Variants in NHSL1 observed in about 807,000 individuals in gnomAD.
NHSL1 encodes the protein NHS-like protein 1.
A neutral mutation model predicts 95.0 loss-of-function variants in NHSL1; 48 were observed. The observed-to-expected ratio is 0.51, with a 90% CI of 0.40 to 0.64. The LOEUF (loss-of-function observed/expected upper bound fraction) is 0.64, where lower values mean the gene tolerates loss of function less well. Among genes scored for constraint, NHSL1 ranks in the 30% least tolerant of loss-of-function variants. NHSL1 has a pLI of 0.00. For synonymous variants in NHSL1, 783 were observed against 833.9 expected (o/e 0.94, Z 1.05); for missense variants, 1,971 against 2,077.7 (o/e 0.95, Z 1.00).
At chr6:138,555,293 G>C (rs1002374171) in intron 1 of NHSL1, among the ~76,000 whole-genome samples, 2 of 152,056 alleles carry the variant, frequency 1.3e-5, no homozygotes, top group African/African-American at 4.8e-5. Context: ...GTAATGGCTG[G>C]GATTTCCTTT....
At chr6:138,499,182 T>A in intron 1 of NHSL1, 51 bp downstream of exon 1, 1 of 1,195,600 alleles carries the variant, frequency 8.4e-7, no homozygotes, top group Non-Finnish European at 1.2e-6. Flanking sequence ...CATATACACA[T>A]ATGGAAACAT....
At chr6:138,675,070 G>A (rs1785431444) in intron 1 of NHSL1, among the ~76,000 whole-genome samples, 1 of 150,318 alleles carries the variant, frequency 6.7e-6, no homozygotes, top group Non-Finnish European at 1.5e-5. Context: ...AATCCCCCAG[G>A]AAAAAATTAA....
At chr6:138,538,151 C>T (rs1455363397) in intron 1 of NHSL1, among the ~76,000 whole-genome samples, 1 of 152,146 alleles carries the variant, frequency 6.6e-6, no homozygotes, top group Non-Finnish European at 1.5e-5. Context: ...TATTCTGTTA[C>T]AGCAAAACTT....
chr6:138,484,562 A>C (rs760131910), intron 2 of NHSL1, among the ~76,000 whole-genome samples: 10 of 152,200 alleles, frequency 6.6e-5, no homozygotes, highest in Non-Finnish European at 1.2e-4. Flanking sequence ...TTTGTTAACA[A>C]TGCATTAACA....
intron 1 of NHSL1, among the ~76,000 whole-genome samples, chr6:138,563,641 C>A (rs998530807): frequency 6.6e-6 from 1 of 152,136 alleles, no homozygotes; most frequent in African/African-American, 2.4e-5. Context: ...ATAAATTGTA[C>A]CTGCTACTGG....
At chr6:138,657,543 G>C (rs1170200537) in intron 1 of NHSL1, among the ~76,000 whole-genome samples, 1 of 152,088 alleles carries the variant, frequency 6.6e-6, no homozygotes, top group Non-Finnish European at 1.5e-5. Flanking sequence ...GCTGGGCGCG[G>C]TGGCTCATGC....
intron 1 of NHSL1, among the ~76,000 whole-genome samples, chr6:138,631,548 C>T (rs1784819711): frequency 6.6e-6 from 1 of 152,134 alleles, no homozygotes; most frequent in African/African-American, 2.4e-5. Context: ...GGGCAACGGT[C>T]AAAGTCATGA....
intron 1 of NHSL1, among the ~76,000 whole-genome samples, chr6:138,644,557 T>C (rs1784993668): frequency 6.6e-6 from 1 of 152,216 alleles, no homozygotes; most frequent in Admixed American, 6.5e-5. Flanking sequence ...AAAAGTCATC[T>C]GTATTGAAAA....
rs1036796165 is a variant in NHSL1, at chr6:138,628,850, A to G, written c.96+63626T>C. 2.5e-4 allele frequency among the ~76,000 whole-genome samples: 38 copies of G among 152,268 alleles called. 1 individual carries two copies. The highest frequency in any genetic ancestry group is 8.8e-5 in the Non-Finnish European group (6 of 68,048). The stretch of plus-strand genomic sequence containing the variant: ...GCTTGTTAGCAGAAATGCTTACTAC[A>G]GACTCAAATAACTCCAAGAAAATTT... On this transcript the variant is annotated intron_variant, in intron 1 of 3. Transcript: ENST00000491526.
chr6:138,585,309 A>G (rs1784117928), intron 1 of NHSL1, among the ~76,000 whole-genome samples: 1 of 152,204 alleles, frequency 6.6e-6, no homozygotes, highest in South Asian at 2.1e-4. Context: ...CAGAATTATG[A>G]GGAAAAGAAG....
chr6:138,543,514 TA>T (rs1255878264), intron 1 of NHSL1, among the ~76,000 whole-genome samples: 1 of 152,224 alleles, frequency 6.6e-6, no homozygotes, highest in Non-Finnish European at 1.5e-5. Flanking sequence ...CTGATTTAAA[TA>T]TTTTCTTTCA....
chr6:138,545,059 C>T (rs963245875), intron 1 of NHSL1, among the ~76,000 whole-genome samples: 3 of 137,030 alleles, frequency 2.2e-5, no homozygotes, highest in Admixed American at 8.5e-5. Flanking sequence ...GGCGCGATCT[C>T]GGCTCACTGC....
At position 138,619,625 on chromosome 6, in the gene NHSL1, T is replaced by C. The variant is rs1158092575; in HGVS notation, c.96+72851A>G. Among the ~76,000 whole-genome samples, 2 of 152,090 alleles carry C rather than the reference T, an allele frequency of 1.3e-5. 1 individual carries two copies. The highest frequency in any genetic ancestry group is 3.9e-4 in the East Asian group (2 of 5,192). Reference sequence around the variant, plus strand: ...ACAAATAGTACATTCTCCGTGGTGTTTTTTAAAAAGGAGTGGTCAGGCATG... The same window carrying C: ...ACAAATAGTACATTCTCCGTGGTGTCTTTTAAAAAGGAGTGGTCAGGCATG... On this transcript the variant is annotated intron_variant, in intron 1 of 3. Coordinates refer to the NHSL1 transcript ENST00000491526.
intron 1 of NHSL1, among the ~76,000 whole-genome samples, chr6:138,555,115 G>A (rs1583404049): frequency 6.6e-6 from 1 of 152,198 alleles, no homozygotes; most frequent in African/African-American, 2.4e-5. Context: ...AAGATCCACA[G>A]AGCACGGTGC....
At chr6:138,629,434 G>A (rs1784787472) in intron 1 of NHSL1, among the ~76,000 whole-genome samples, 1 of 151,452 alleles carries the variant, frequency 6.6e-6, no homozygotes, top group Non-Finnish European at 1.5e-5. Flanking sequence ...CCAGGCTGGA[G>A]TGCAGTGTCG....
At chr6:138,531,288 C>G (rs1005990419) in intron 1 of NHSL1, among the ~76,000 whole-genome samples, 3 of 152,200 alleles carry the variant, frequency 2.0e-5, no homozygotes, top group African/African-American at 7.2e-5. Flanking sequence ...CAGCATCACT[C>G]CTAGTCTTGA....
At chr6:138,613,849 G>A (rs1056667028) in intron 1 of NHSL1, among the ~76,000 whole-genome samples, 5 of 152,186 alleles carry the variant, frequency 3.3e-5, no homozygotes, top group African/African-American at 1.2e-4. Flanking sequence ...ATTTAGTGCA[G>A]GATGGCCTGG....
intron 1 of NHSL1, among the ~76,000 whole-genome samples, chr6:138,655,179 C>T (rs1423704606): frequency 6.6e-6 from 1 of 151,074 alleles, no homozygotes; most frequent in Non-Finnish European, 1.5e-5. Flanking sequence ...CTTTTCCTTC[C>T]TCACTAAAGT....
intron 1 of NHSL1, among the ~76,000 whole-genome samples, chr6:138,542,289 C>A (rs947433491): frequency 6.6e-6 from 1 of 152,176 alleles, no homozygotes; most frequent in Non-Finnish European, 1.5e-5. Context: ...AGAGGGAGCA[C>A]GGCCCTGCCA....
Sources: gnomAD v4.1 joint callset for allele counts (sites outside exome capture counted in the v4.1 genomes callset) on GRCh38, gnomAD v4.1.1 for gene constraint, MANE v1.5 for transcripts, NCBI Gene and HGNC (gene_info 2026-07-23, HGNC 2026-07-21) for gene names.